The following G3BP1 variants were observed in gnomAD, a reference collection of about 807,000 sequenced individuals.
The protein encoded by G3BP1 is G3BP stress granule assembly factor 1, also known as ras GTPase-activating protein-binding protein 1.
Under a neutral mutation model 58.6 loss-of-function variants are expected in G3BP1, and 35 were observed. The observed-to-expected ratio is 0.60, with a 90% confidence interval of 0.46 to 0.79. The LOEUF is 0.79. Ranked by LOEUF, G3BP1 falls within the 30% of genes least tolerant of loss-of-function variation. The probability of loss-of-function intolerance (pLI) is 0.00; values close to 1 mark genes in which losing one functional copy is unlikely to be tolerated. For synonymous variants in G3BP1, 191 were observed against 195.4 expected (o/e 0.98, Z 0.19); for missense variants, 523 against 580.8 (o/e 0.90, Z 1.02).
At position 151,810,692 on chromosome 5, in the gene G3BP1, T is replaced by C. The variant is rs904865942; in HGVS notation, c.*6601T>C. ...TACAGTGACTCATAACTAGAGTCTT[T>C]AGATGAAACTTACTGAGTTGAATAA... On this transcript the variant is annotated 3_prime_UTR_variant, in exon 12 of 12. Transcript: ENST00000356245. 1 of 152,270 alleles carries C rather than the reference T, an allele frequency of 6.6e-6. No homozygotes were observed. Among genetic ancestry groups the C allele is most frequent in the African/African-American group, 2.4e-5 (1 of 41,474 alleles). The allele number at this position is 152,270 out of a possible 1,614,324, so 9.4% of individuals were successfully genotyped here.
At chr5:151,775,614 G>A (rs1361344639) in intron 1 of G3BP1, among the ~76,000 whole-genome samples, 2 of 152,238 alleles carry the variant, frequency 1.3e-5, no homozygotes, top group African/African-American at 4.8e-5. Context: ...TGTGCCTTAA[G>A]TACACCCTTG....
intron 6 of G3BP1, among the ~76,000 whole-genome samples, chr5:151,796,564 C>G (rs1762755271): frequency 6.6e-6 from 1 of 150,850 alleles, no homozygotes; most frequent in Admixed American, 6.6e-5. Context: ...CCAGCCCCCT[C>G]TGCAGTTTTA....
chr5:151,805,385 A>G lies in G3BP1; in HGVS notation c.*1294A>G, dbSNP rs1362008185. On this transcript the variant is annotated 3_prime_UTR_variant, in exon 12 of 12. Coordinates refer to ENST00000356245, the MANE Select transcript of G3BP1 (RefSeq NM_005754.3). ...CAATATAGACTAATACTCGTTTCAC[A>G]TATGTGTTATTTGTTGAGTGCTGTG... is the stretch of plus-strand genomic sequence containing the variant. 9 of 152,582 alleles carry G rather than the reference A, an allele frequency of 5.9e-5. No individual in the cohort carries two copies. The highest frequency in any genetic ancestry group is 2.6e-4 in the Admixed American group (4 of 15,280). 9.5% of individuals were successfully genotyped at this position (152,582 alleles called of 1,614,324 possible). A position where few individuals can be genotyped will look rare whatever the true frequency, so the allele number is the denominator to read the frequency against.
chr5:151,789,902 C>T (rs1242992957), intron 2 of G3BP1, among the ~76,000 whole-genome samples: 5 of 152,172 alleles, frequency 3.3e-5, no homozygotes, highest in East Asian at 1.9e-4. Context: ...GGGCCAGGCG[C>T]GGTGACTCAC....
At chr5:151,798,573 A>T (rs574559555) in intron 7 of G3BP1, among the ~76,000 whole-genome samples, 137 of 152,338 alleles carry the variant, frequency 9.0e-4, no homozygotes, top group Non-Finnish European at 1.6e-3. Flanking sequence ...AATTGAGTCG[A>T]TGTTTGTACA....
At position 151,800,382 on chromosome 5, in the gene G3BP1, G is replaced by T. The variant is rs1420644876; in HGVS notation, c.1084+36G>T. 4 of 1,549,560 alleles carry T rather than the reference G, an allele frequency of 2.6e-6. No homozygotes were observed. In the African/African-American group the frequency reaches 4.1e-5, roughly 16 times the overall value. On this transcript the variant is annotated intron_variant, in intron 10 of 11. Transcript: ENST00000356245. ...GAGTTTTGAACACTAAATTCATCTAGTGTCTCTCTAGCACTGTCCAGTAGC... is the reference window on the plus strand; with the variant it reads ...GAGTTTTGAACACTAAATTCATCTATTGTCTCTCTAGCACTGTCCAGTAGC...
chr5:151,785,789 A>G (rs1047121432), intron 1 of G3BP1, among the ~76,000 whole-genome samples: 11 of 152,198 alleles, frequency 7.2e-5, no homozygotes, highest in Non-Finnish European at 1.6e-4. Context: ...ATGAAGTAGT[A>G]AGCATATTTA....
At chr5:151,797,172 T>A (rs1762767060) in intron 6 of G3BP1, 55 bp from the exon 7 acceptor site, 2 of 1,567,992 alleles carry the variant, frequency 1.3e-6, no homozygotes, top group Non-Finnish European at 1.7e-6. Flanking sequence ...GATGGAGGAA[T>A]TTTTTGTGAA....
chr5:151,776,104 C>T (rs1248973842), intron 1 of G3BP1, among the ~76,000 whole-genome samples: 1 of 152,166 alleles, frequency 6.6e-6, no homozygotes, highest in Non-Finnish European at 1.5e-5. Flanking sequence ...ATGTAGTCTC[C>T]TGATCTGTGT....
At chr5:151,783,681 AT>A (rs1444190813) in intron 1 of G3BP1, among the ~76,000 whole-genome samples, 2,258 of 146,764 alleles carry the variant, frequency 0.015, 51 homozygotes, top group African/African-American at 0.051. Context: ...GCCAGCCCCA[AT>A]TTTTTTTTTT....
At position 151,796,090 on chromosome 5, in the gene G3BP1, T is replaced by C. The variant is rs549013887; in HGVS notation, c.539+515T>C. ...ATAGCAATAGAAATCCATATTTACT[T>C]GTTACCATGTGATACTGAATGTTAA... On this transcript the variant is annotated intron_variant, in intron 6 of 11. Transcript: ENST00000356245. Among the ~76,000 whole-genome samples, 3 of 152,334 alleles carry C rather than the reference T, an allele frequency of 2.0e-5. No individual in the cohort carries two copies. In the East Asian group the frequency reaches 5.8e-4, roughly 29 times the overall value.
Position 151,797,937 on chromosome 5 carries a change from G to A in G3BP1, c.741+509G>A, listed in dbSNP as rs999671037. Among the ~76,000 whole-genome samples the A allele has an allele frequency of 6.6e-5, 10 of 152,152 alleles. No homozygotes were observed. In the East Asian group the frequency reaches 9.6e-4, roughly 15 times the overall value. On this transcript the variant is annotated intron_variant, in intron 7 of 11. Transcript: ENST00000356245. ...TTTTCAGTTTGTCCTTCTGAGTCTC[G>A]TCAGGGTGATTGTTAACTGAACTAT...
chr5:151,788,163 T>C (rs989090641), intron 2 of G3BP1, among the ~76,000 whole-genome samples: 3 of 152,094 alleles, frequency 2.0e-5, no homozygotes, highest in African/African-American at 4.8e-5. Context: ...ATTCGCCTGC[T>C]TCAGCCTTCC....
chr5:151,789,169 A>C (rs1236846297), intron 2 of G3BP1, among the ~76,000 whole-genome samples: 1 of 150,426 alleles, frequency 6.6e-6, no homozygotes, highest in Admixed American at 6.7e-5. Flanking sequence ...TAGGCCAGGC[A>C]TGGTGGCTTA....
chr5:151,788,705 C>T (rs1762596737), intron 2 of G3BP1, among the ~76,000 whole-genome samples: 1 of 151,550 alleles, frequency 6.6e-6, no homozygotes, highest in African/African-American at 2.4e-5. Flanking sequence ...CCTCTGCCTC[C>T]CAGGTTCCGG....
intron 1 of G3BP1, among the ~76,000 whole-genome samples, chr5:151,779,751 G>A (rs1374589835): frequency 1.3e-5 from 2 of 152,190 alleles, no homozygotes; most frequent in Non-Finnish European, 2.9e-5. Flanking sequence ...ACTATTAATA[G>A]TAGTTGTTTT....
At chr5:151,779,121 C>T (rs1762424398) in intron 1 of G3BP1, among the ~76,000 whole-genome samples, 1 of 151,740 alleles carries the variant, frequency 6.6e-6, no homozygotes, top group African/African-American at 2.4e-5. Context: ...TGTGGCTTGC[C>T]TGCGTGCCTT....
In G3BP1 at chr5:151,793,845, A is replaced by G. The variant is rs938609017; in HGVS notation, c.352-314A>G. On this transcript the variant is annotated intron_variant, in intron 4 of 11. Coordinates refer to ENST00000356245, the MANE Select transcript of G3BP1 (RefSeq NM_005754.3). ...CCGTCTCTACTCAAAAAAAAAAAAA[A>G]AAAAAAGAAAAAAGAGAAATTAGCC... 1.1e-4 allele frequency among the ~76,000 whole-genome samples: 16 copies of G among 151,716 alleles called. No homozygotes were observed. In the South Asian group the frequency reaches 1.3e-3, roughly 12 times the overall value.
At chr5:151,790,432 G>C (rs1762631543) in intron 3 of G3BP1, 28 bp downstream of exon 3, 2 of 1,243,664 alleles carry the variant, frequency 1.6e-6, no homozygotes, top group African/African-American at 3.1e-5. Flanking sequence ...TATTTAGGCT[G>C]TTAAGCAGGT....
Sources: allele counts gnomAD v4.1 joint callset (sites outside exome capture counted in the v4.1 genomes callset), GRCh38; gene constraint gnomAD v4.1.1; transcripts MANE v1.5; gene names NCBI Gene and HGNC (gene_info 2026-07-23, HGNC 2026-07-21).